The following COL24A1 variants were observed in gnomAD, a reference collection of about 807,000 sequenced individuals.
The protein encoded by COL24A1 is collagen alpha-1(XXIV) chain.
In COL24A1, 224 loss-of-function variants were observed where a neutral mutation model predicts 253.9. The observed-to-expected ratio is 0.88, with a 90% confidence interval of 0.79 to 0.99. The LOEUF is 0.99. COL24A1 is among the 50% of genes least tolerant of loss of function. The probability of loss-of-function intolerance (pLI) is 0.00; values close to 1 mark genes in which losing one functional copy is unlikely to be tolerated. For synonymous variants in COL24A1, 685 were observed against 673.7 expected (o/e 1.02, Z -0.26); for missense variants, 2,131 against 2,068.5 (o/e 1.03, Z -0.59).
chr1:85,777,557 A>C (rs888188566), intron 52 of COL24A1, among the ~76,000 whole-genome samples: 2 of 152,144 alleles, frequency 1.3e-5, no homozygotes, highest in Admixed American at 6.6e-5. Context: ...TTACTCAATC[A>C]TTCCTTTAGA....
At position 85,877,130 on chromosome 1, in the gene COL24A1, C is replaced by T. The variant is rs776372032; in HGVS notation, c.3022G>A (p.Gly1008Ser). The T allele has an allele frequency of 6.2e-7, 1 of 1,604,594 alleles. No homozygotes were observed. The highest frequency in any genetic ancestry group is 1.3e-5 in the African/African-American group (1 of 74,578). The change falls in exon 33 of 60, where the codon GGC becomes AGC. Residue 1008 changes from glycine to serine, a missense_variant. Gly to Ser is a moderately conservative substitution (Grantham distance 56). Transcript: ENST00000370571. The part of the protein sequence containing the change: ...QGDVGPPGEM[G>S]MEGPPGTEGE... ...AGCCACAAAAAATTTACCTCCATGCCCATTTCTCCAGGAGGTCCAACATCA... is the reference window on the plus strand; with the variant it reads ...AGCCACAAAAAATTTACCTCCATGCTCATTTCTCCAGGAGGTCCAACATCA...
At chr1:85,952,623 G>A (rs1329062972) in intron 24 of COL24A1, among the ~76,000 whole-genome samples, 1 of 152,166 alleles carries the variant, frequency 6.6e-6, no homozygotes, top group African/African-American at 2.4e-5. Context: ...GACAGGAAAG[G>A]GCAAACTACA....
intron 2 of COL24A1, among the ~76,000 whole-genome samples, chr1:86,143,732 A>T (rs1651478986): frequency 6.6e-6 from 1 of 152,096 alleles, no homozygotes; most frequent in Non-Finnish European, 1.5e-5. Flanking sequence ...AGGGGAAGGG[A>T]CACTGCTTTT....
At chr1:85,779,143 C>T (rs575788840) in intron 52 of COL24A1, among the ~76,000 whole-genome samples, 1 of 151,902 alleles carries the variant, frequency 6.6e-6, no homozygotes, top group South Asian at 2.1e-4. Flanking sequence ...GTAGCTAGGG[C>T]TTATAGGCAT....
intron 24 of COL24A1, among the ~76,000 whole-genome samples, chr1:85,927,239 C>G (rs985123129): frequency 6.6e-6 from 1 of 152,144 alleles, no homozygotes; most frequent in Non-Finnish European, 1.5e-5. Flanking sequence ...GTGCGCGAGC[C>G]GAAGCAGGGC....
At chr1:85,994,229 T>C (rs1237022029) in intron 19 of COL24A1, among the ~76,000 whole-genome samples, 2 of 152,002 alleles carry the variant, frequency 1.3e-5, no homozygotes, top group Admixed American at 1.3e-4. Context: ...AGGCAACATG[T>C]AAATTATGAA....
At chr1:86,081,429 T>C (rs917421395) in intron 7 of COL24A1, among the ~76,000 whole-genome samples, 3 of 152,192 alleles carry the variant, frequency 2.0e-5, no homozygotes, top group Non-Finnish European at 2.9e-5. Flanking sequence ...GCTGCATATG[T>C]AGAATCTTAA....
At chr1:86,132,946 T>C (rs964947403) in intron 2 of COL24A1, among the ~76,000 whole-genome samples, 4 of 152,094 alleles carry the variant, frequency 2.6e-5, no homozygotes, top group Non-Finnish European at 5.9e-5. Context: ...AATCTGTAAA[T>C]TACCTTGGGC....
At chr1:85,820,371 T>C (rs1339155175) in intron 45 of COL24A1, among the ~76,000 whole-genome samples, 1 of 152,126 alleles carries the variant, frequency 6.6e-6, no homozygotes, top group Non-Finnish European at 1.5e-5. Flanking sequence ...GCAGAGAATG[T>C]TATTTATATG....
chr1:85,911,622 C>G (rs925183262), intron 24 of COL24A1, among the ~76,000 whole-genome samples, 189 bp from the exon 25 acceptor site: 2 of 151,984 alleles, frequency 1.3e-5, no homozygotes, highest in African/African-American at 4.8e-5. Context: ...TTCAGTCAGT[C>G]AACAAAAATA....
intron 24 of COL24A1, among the ~76,000 whole-genome samples, chr1:85,947,521 T>C (rs1482832165): frequency 6.6e-6 from 1 of 152,218 alleles, no homozygotes; most frequent in East Asian, 1.9e-4. Flanking sequence ...CATATTTTCA[T>C]GTTGGACTTC....
intron 29 of COL24A1, 111 bp downstream of exon 29, chr1:85,896,245 G>A (rs1683704186): frequency 1.6e-6 from 2 of 1,241,002 alleles, no homozygotes; most frequent in South Asian, 2.7e-5. Context: ...TAGACAAAGA[G>A]AAAACTTAGA....
chr1:86,049,135 C>T (rs1700128790), intron 11 of COL24A1, among the ~76,000 whole-genome samples: 1 of 152,132 alleles, frequency 6.6e-6, no homozygotes, highest in Non-Finnish European at 1.5e-5. Flanking sequence ...TGGAATTATG[C>T]TTAAGATGTT....
intron 55 of COL24A1, among the ~76,000 whole-genome samples, chr1:85,747,735 A>C (rs1665407423): frequency 6.6e-6 from 1 of 152,160 alleles, no homozygotes; most frequent in Non-Finnish European, 1.5e-5. Flanking sequence ...TTTTCAAATA[A>C]TTATGGATTT....
chr1:85,781,149 T>C (rs904900817), intron 52 of COL24A1, 71 bp downstream of exon 52: 3 of 1,120,142 alleles, frequency 2.7e-6, no homozygotes, highest in African/African-American at 3.2e-5. Flanking sequence ...GGCTAATTCT[T>C]TGTAGAATAT....
intron 32 of COL24A1, among the ~76,000 whole-genome samples, chr1:85,888,469 G>A (rs1018104679): frequency 1.3e-5 from 2 of 152,032 alleles, no homozygotes; most frequent in Non-Finnish European, 2.9e-5. Flanking sequence ...TACCAGGAAA[G>A]GGGATTACAA....
chr1:85,783,389 T>C (rs1669334864), intron 51 of COL24A1, 107 bp downstream of exon 51: 1 of 892,304 alleles, frequency 1.1e-6, no homozygotes, highest in African/African-American at 1.7e-5. Flanking sequence ...ACCTTAAAAG[T>C]CATTTCATTA....
At chr1:85,761,618 G>A in intron 53 of COL24A1, 52 bp from the exon 54 acceptor site, 1 of 1,575,018 alleles carries the variant, frequency 6.3e-7, no homozygotes, top group Non-Finnish European at 8.7e-7. Context: ...TTTTGGTTGG[G>A]TATAAGCAAG....
chr1:85,770,518 T>TA (rs150301307), intron 53 of COL24A1, among the ~76,000 whole-genome samples: 20,402 of 147,014 alleles, frequency 0.14, 1,543 homozygotes, highest in East Asian at 0.24. Context: ...TCTCTTGCAA[T>TA]AAAAAAAAAA....
Sources: gnomAD v4.1 joint callset for allele counts (sites outside exome capture counted in the v4.1 genomes callset) on GRCh38, gnomAD v4.1.1 for gene constraint, MANE v1.5 for transcripts, NCBI Gene and HGNC (gene_info 2026-07-23, HGNC 2026-07-21) for gene names.